Variants in ADGRB3 observed in about 807,000 individuals in gnomAD.
The protein encoded by ADGRB3 is brain-specific angiogenesis inhibitor 3.
A neutral mutation model predicts 193.4 loss-of-function variants in ADGRB3; 37 were observed. That is an observed-to-expected ratio of 0.19 (90% CI 0.15 to 0.25). The LOEUF is 0.25. ADGRB3 is among the 10% of genes least tolerant of loss of function. The pLI, the probability that ADGRB3 is intolerant of heterozygous loss-of-function variation, is 1.00. For missense variants in ADGRB3, 1,637 were observed against 1,852.9 expected (o/e 0.88, Z 2.14); for synonymous variants, 690 against 644.2 (o/e 1.07, Z -1.08).
intron 3 of ADGRB3, among the ~76,000 whole-genome samples, chr6:68,671,640 T>C (rs938293511): frequency 4.6e-5 from 7 of 152,034 alleles, no homozygotes; most frequent in African/African-American, 1.7e-4. Context: ...TTTTAATGTA[T>C]TGTTGAATTT....
intron 6 of ADGRB3, among the ~76,000 whole-genome samples, chr6:68,949,000 G>A (rs1767845215): frequency 6.6e-6 from 1 of 151,936 alleles, no homozygotes; most frequent in Admixed American, 6.6e-5. Flanking sequence ...AATGGAGTCA[G>A]TATTAATTAC....
chr6:68,935,272 A>T (rs1037890990), intron 4 of ADGRB3, among the ~76,000 whole-genome samples: 1 of 152,192 alleles, frequency 6.6e-6, no homozygotes, highest in African/African-American at 2.4e-5. Flanking sequence ...CTCACTGAGA[A>T]AATCTGTGTG....
chr6:69,256,512 A>G (rs56056106), intron 20 of ADGRB3, among the ~76,000 whole-genome samples: 14,167 of 151,530 alleles, frequency 0.093, 696 homozygotes, highest in Middle Eastern at 0.23. Context: ...TTTGTCTGTT[A>G]TTGGTGTATA....
chr6:69,123,604 C>T (rs772608773), intron 17 of ADGRB3, among the ~76,000 whole-genome samples: 19 of 152,032 alleles, frequency 1.2e-4, no homozygotes, highest in Non-Finnish European at 1.8e-4. Flanking sequence ...AGGAGAGAAA[C>T]GTATCAATAA....
chr6:68,772,894 A>AAAATATAT (rs1466813173), intron 3 of ADGRB3, among the ~76,000 whole-genome samples: 9 of 22,854 alleles, frequency 3.9e-4, no homozygotes, highest in Admixed American at 1.3e-3. Context: ...AAAAAAAAAA[A>AAAATATAT]ATATATATAT....
intron 31 of ADGRB3, among the ~76,000 whole-genome samples, chr6:69,383,878 C>T (rs1770005680): frequency 6.6e-6 from 1 of 151,876 alleles, no homozygotes; most frequent in Non-Finnish European, 1.5e-5. Flanking sequence ...ATACTCTTTG[C>T]GGCCCTTGGA....
chr6:68,893,135 T>G (rs1343102494), intron 3 of ADGRB3, among the ~76,000 whole-genome samples: 3 of 151,942 alleles, frequency 2.0e-5, no homozygotes, highest in Non-Finnish European at 4.4e-5. Context: ...GAAAACAAAA[T>G]CAAACAAAAC....
intron 17 of ADGRB3, among the ~76,000 whole-genome samples, chr6:69,217,083 T>C (rs895049732): frequency 4.6e-5 from 7 of 152,202 alleles, no homozygotes; most frequent in African/African-American, 1.7e-4. Flanking sequence ...TTTCAGCCAC[T>C]CTGGAGCAAG....
At chr6:69,079,835 T>C (rs1772336684) in intron 17 of ADGRB3, among the ~76,000 whole-genome samples, 1 of 152,220 alleles carries the variant, frequency 6.6e-6, no homozygotes, top group East Asian at 1.9e-4. Flanking sequence ...CTCTCAAGTC[T>C]GTGAAGGACT....
intron 3 of ADGRB3, among the ~76,000 whole-genome samples, chr6:68,663,891 T>C (rs1324721000): frequency 6.6e-6 from 1 of 151,950 alleles, no homozygotes; most frequent in East Asian, 1.9e-4. Flanking sequence ...TAGAGTTACA[T>C]TATCTATAAA....
intron 20 of ADGRB3, among the ~76,000 whole-genome samples, chr6:69,288,191 T>A (rs994090088): frequency 6.6e-6 from 1 of 152,148 alleles, no homozygotes; most frequent in African/African-American, 2.4e-5. Flanking sequence ...ATGCTATCCC[T>A]CCCTTAGCCC....
intron 29 of ADGRB3, among the ~76,000 whole-genome samples, chr6:69,364,340 A>T (rs3757057): frequency 0.036 from 5,545 of 152,066 alleles, 170 homozygotes; most frequent in Admixed American, 0.093. Flanking sequence ...AAGAGTGCAG[A>T]GGGTGAGTGG....
At chr6:68,638,321 T>C (rs752172980) in intron 2 of ADGRB3, among the ~76,000 whole-genome samples, 8 of 152,238 alleles carry the variant, frequency 5.3e-5, no homozygotes, top group Non-Finnish European at 1.2e-4. Flanking sequence ...CATTATGACG[T>C]TTTAAAACTC....
intron 31 of ADGRB3, among the ~76,000 whole-genome samples, chr6:69,384,746 C>T (rs191523597): frequency 2.0e-5 from 3 of 151,992 alleles, no homozygotes; most frequent in Non-Finnish European, 1.5e-5. Flanking sequence ...ATAGAGTTGT[C>T]ATTGCTGCTT....
intron 3 of ADGRB3, among the ~76,000 whole-genome samples, chr6:68,862,131 ACC>A (rs34902902): frequency 0.79 from 112,408 of 141,490 alleles, 44,312 homozygotes; most frequent in Middle Eastern, 0.91. Flanking sequence ...AGGAGGAGGG[ACC>A]CCCCCCCCCA....
At chr6:68,995,911 G>A (rs1562114919) in intron 11 of ADGRB3, among the ~76,000 whole-genome samples, 1 of 152,000 alleles carries the variant, frequency 6.6e-6, no homozygotes, top group African/African-American at 2.4e-5. Flanking sequence ...TTTATCTCTT[G>A]TATTCTACTT....
intron 3 of ADGRB3, among the ~76,000 whole-genome samples, chr6:68,868,661 T>A (rs1040787276): frequency 6.6e-6 from 1 of 152,356 alleles, no homozygotes; most frequent in East Asian, 1.9e-4. Context: ...ATGCTATTTA[T>A]AGATTTTATT....
intron 3 of ADGRB3, among the ~76,000 whole-genome samples, chr6:68,698,463 G>C (rs1765191049): frequency 6.6e-6 from 1 of 151,954 alleles, no homozygotes; most frequent in South Asian, 2.1e-4. Context: ...TTGATTCTTA[G>C]GAAGGTTCGT....
At chr6:68,671,690 T>C (rs1270856402) in intron 3 of ADGRB3, among the ~76,000 whole-genome samples, 2 of 152,060 alleles carry the variant, frequency 1.3e-5, no homozygotes, top group African/African-American at 2.4e-5. Context: ...CCATCAATAG[T>C]CATCAGAGAT....
Sources: gnomAD v4.1 joint callset for allele counts (sites outside exome capture counted in the v4.1 genomes callset) on GRCh38, gnomAD v4.1.1 for gene constraint, MANE v1.5 for transcripts, NCBI Gene and HGNC (gene_info 2026-07-23, HGNC 2026-07-21) for gene names.